NALCN: variants seen among roughly 807,000 people sequenced by gnomAD.
NALCN encodes sodium leak channel, non-selective, also known as sodium leak channel NALCN.
NALCN carries 111 observed loss-of-function variants against 225.3 expected under a neutral mutation model. The observed-to-expected ratio is 0.49, with a 90% CI of 0.42 to 0.58. The LOEUF (loss-of-function observed/expected upper bound fraction) is 0.58. Ranked by LOEUF, NALCN falls within the 20% of genes least tolerant of loss-of-function variation. The pLI, the probability that NALCN is intolerant of heterozygous loss-of-function variation, is 0.00. For missense variants in NALCN, 1,378 were observed against 2,202.4 expected, an observed-to-expected ratio of 0.63 and a Z score of 7.49; for synonymous variants, 764 against 769.0, an observed-to-expected ratio of 0.99 and a Z score of 0.11.
chr13:101,293,904 T>C (rs187685495), intron 7 of NALCN, among the ~76,000 whole-genome samples: 172 of 152,376 alleles, frequency 1.1e-3, no homozygotes, highest in Middle Eastern at 0.01. Context: ...ACATTGGTAC[T>C]GTAACTCCTT....
chr13:101,103,883 G>C (rs1042275413), intron 25 of NALCN, among the ~76,000 whole-genome samples: 2 of 152,172 alleles, frequency 1.3e-5, no homozygotes, highest in Admixed American at 6.5e-5. Flanking sequence ...AATCAGGAGA[G>C]AGATACAATC....
chr13:101,254,890 C>CAAAA (rs149258180), intron 11 of NALCN, among the ~76,000 whole-genome samples: 19 of 38,380 alleles, frequency 5.0e-4, no homozygotes, highest in East Asian at 2.0e-3. Context: ...GACTCTGTCT[C>CAAAA]AAAAAAAAAA....
chr13:101,259,732 G>GTATATA lies in NALCN; in HGVS notation c.1135-1164_1135-1159dup, dbSNP rs35199456. Reference sequence around the variant, plus strand: ...AAATATTTGTGGGTACATAGTAAGTGTATATATATATATATATATACACAC... The same window carrying GTATATA: ...AAATATTTGTGGGTACATAGTAAGTGTATATATATATATATATATATATATACACAC... On this transcript the variant is annotated intron_variant, in intron 10 of 43. Transcript: ENST00000251127. 9.5e-3 allele frequency among the ~76,000 whole-genome samples: 1,138 copies of GTATATA among 119,356 alleles called. 12 individuals carry two copies. The highest frequency in any genetic ancestry group is 0.038 in the South Asian group (130 of 3,404). The allele number at this position is 119,356 out of a possible 152,430, so 78.3% of individuals were successfully genotyped here. A position where few individuals can be genotyped will look rare whatever the true frequency, so the allele number is the denominator to read the frequency against.
In NALCN at chr13:101,204,655, A is replaced by G. The variant is rs575981539; in HGVS notation, c.1627-12601T>C. 2.6e-5 allele frequency among the ~76,000 whole-genome samples: 4 copies of G among 152,288 alleles called. No homozygotes were observed. The South Asian group carries it at 8.3e-4, about 32-fold the overall frequency. ...AAGAAAAAAAAAGTAACAGAAGCAC[A>G]TTGGCAAAAACCAGCGAATCTTTTT... is the stretch of plus-strand genomic sequence containing the variant. On this transcript the variant is annotated intron_variant, in intron 13 of 43. Transcript: ENST00000251127.
At chr13:101,167,217 A>T (rs985365869) in intron 15 of NALCN, among the ~76,000 whole-genome samples, 2 of 152,188 alleles carry the variant, frequency 1.3e-5, no homozygotes, top group Non-Finnish European at 1.5e-5. Flanking sequence ...TTTCGTATGA[A>T]TTTTAAGATT....
chr13:101,205,208 T>C (rs568278369), intron 13 of NALCN, among the ~76,000 whole-genome samples: 116 of 152,272 alleles, frequency 7.6e-4, no homozygotes, highest in African/African-American at 2.7e-3. Flanking sequence ...TCCTCTTTTT[T>C]CCAGCACACC....
intron 3 of NALCN, among the ~76,000 whole-genome samples, chr13:101,385,092 T>A (rs1282184325): frequency 6.6e-6 from 1 of 152,178 alleles, no homozygotes; most frequent in Non-Finnish European, 1.5e-5. Context: ...TTGCAGAGCC[T>A]GCTGGGCCCT....
chr13:101,271,649 TG>T (rs1345120422), intron 10 of NALCN, among the ~76,000 whole-genome samples: 1 of 151,934 alleles, frequency 6.6e-6, no homozygotes, highest in Non-Finnish European at 1.5e-5. Context: ...CGTGTGTATG[TG>T]TGAGCATGCA....
rs16958322 is a variant in NALCN at position 101,090,403 on chromosome 13, T to C, written c.3270-437A>G. Among the ~76,000 whole-genome samples the C allele has an allele frequency of 6.8e-3, 1,038 of 152,298 alleles. 17 individuals carry two copies. Among genetic ancestry groups the C allele is most frequent in the South Asian group, 0.042 (201 of 4,826 alleles). On this transcript the variant is annotated intron_variant, in intron 28 of 43. Coordinates refer to ENST00000251127, the MANE Select transcript of NALCN (RefSeq NM_052867.4). ...GAAATAGTTTTGTAACTGAAAATCT[T>C]TCGAAAGGCATAAATTACAATTGCC...
rs939592889 is a variant in NALCN, at chr13:101,316,664, T to G, written c.800-24298A>C. On this transcript the variant is annotated intron_variant, in intron 7 of 43. Transcript: ENST00000251127. The stretch of plus-strand genomic sequence containing the variant: ...ATTCCCTGTCAAGAATATACCCTTT[T>G]ATACCTGTACTCTGGAAAATTCTTT... Among the ~76,000 whole-genome samples, 3 of 152,212 alleles carry G rather than the reference T, an allele frequency of 2.0e-5. 1 individual carries two copies. The highest frequency in any genetic ancestry group is 4.4e-5 in the Non-Finnish European group (3 of 68,034).
At chr13:101,117,692 T>C (rs773089911) in intron 18 of NALCN, among the ~76,000 whole-genome samples, 23 of 152,212 alleles carry the variant, frequency 1.5e-4, no homozygotes. Context: ...TCCATGATGA[T>C]ATCTAATTTC....
At chr13:101,067,662 C>G (rs936727372) in intron 39 of NALCN, among the ~76,000 whole-genome samples, 1 of 152,148 alleles carries the variant, frequency 6.6e-6, no homozygotes, top group African/African-American at 2.4e-5. Context: ...CCTACAGAGT[C>G]CCTTTGGCTT....
At chr13:101,389,017 G>T (rs1161475605) in intron 3 of NALCN, among the ~76,000 whole-genome samples, 1 of 152,178 alleles carries the variant, frequency 6.6e-6, no homozygotes, top group Non-Finnish European at 1.5e-5. Context: ...GTGAATAACA[G>T]AGATGTTAGC....
intron 11 of NALCN, among the ~76,000 whole-genome samples, chr13:101,247,128 T>A (rs1046455562): frequency 1.3e-5 from 2 of 152,170 alleles, no homozygotes; most frequent in Non-Finnish European, 2.9e-5. Context: ...GCACCTTAGA[T>A]AAGGTAAAGA....
At chr13:101,211,500 T>G (rs1262842319) in intron 13 of NALCN, among the ~76,000 whole-genome samples, 1 of 151,990 alleles carries the variant, frequency 6.6e-6, no homozygotes, top group African/African-American at 2.4e-5. Flanking sequence ...GGATATTATT[T>G]TATCATTTCA....
intron 43 of NALCN, 24 bp from the exon 44 acceptor site, chr13:101,055,512 A>AGCCACTTGGTATT: frequency 6.2e-7 from 1 of 1,605,200 alleles, no homozygotes; most frequent in South Asian, 1.1e-5. Context: ...GAGTCCTATG[A>AGCCACTTGGTATT]GCCACTTGGT....
intron 18 of NALCN, among the ~76,000 whole-genome samples, chr13:101,116,257 T>C (rs2035702101): frequency 6.6e-6 from 1 of 151,804 alleles, no homozygotes; most frequent in Non-Finnish European, 1.5e-5. Context: ...GATCCTTTTT[T>C]TTCCCCCTGC....
At chr13:101,198,417 T>C (rs961305616) in intron 13 of NALCN, among the ~76,000 whole-genome samples, 2 of 152,278 alleles carry the variant, frequency 1.3e-5, no homozygotes, top group East Asian at 1.9e-4. Context: ...ATATCCAGAA[T>C]CTACAATGAA....
chr13:101,143,450 C>G (rs75151909), intron 16 of NALCN, among the ~76,000 whole-genome samples: 1 of 151,632 alleles, frequency 6.6e-6, no homozygotes, highest in Non-Finnish European at 1.5e-5. Context: ...ACTCAGTAAC[C>G]GATGGTAGTT....
Sources: allele counts gnomAD v4.1 joint callset (sites outside exome capture counted in the v4.1 genomes callset), GRCh38; gene constraint gnomAD v4.1.1; transcripts MANE v1.5; gene names NCBI Gene and HGNC (gene_info 2026-07-23, HGNC 2026-07-21).